Variants in REST observed in about 807,000 individuals in gnomAD.
The protein encoded by REST is RE1 silencing transcription factor.
Under a neutral mutation model 30.4 loss-of-function variants are expected in REST, and 1 was observed. The ratio of observed to expected loss-of-function variants is 0.03; its 90% CI spans 0.01 to 0.16. REST has a LOEUF of 0.16. Ranked by LOEUF, REST falls within the 10% of genes least tolerant of loss-of-function variation. The pLI, the probability that REST is intolerant of heterozygous loss-of-function variation, is 1.00. For synonymous variants in REST, 504 were observed against 451.1 expected (o/e 1.12, Z -1.49); for missense variants, 1,259 against 1,329.5 (o/e 0.95, Z 0.82).
At chr4:56,915,220 TTGTG>T (rs775223358) in intron 2 of REST, among the ~76,000 whole-genome samples, 2 of 109,092 alleles carry the variant, frequency 1.8e-5, no homozygotes, top group Admixed American at 1.2e-4. Flanking sequence ...CTGGCCAATT[TTGTG>T]TGTGTGTGTG....
At chr4:56,925,350 C>T (rs1720650058) in intron 3 of REST, among the ~76,000 whole-genome samples, 1 of 150,614 alleles carries the variant, frequency 6.6e-6, no homozygotes, top group Non-Finnish European at 1.5e-5. Context: ...GTAGGTGGCA[C>T]TGTAGGCTTG....
intron 3 of REST, among the ~76,000 whole-genome samples, chr4:56,924,850 C>T (rs532300448): frequency 8.6e-5 from 13 of 151,970 alleles, no homozygotes; most frequent in Non-Finnish European, 1.3e-4. Flanking sequence ...TATTGTATGC[C>T]GCCATTACTT....
chr4:56,914,885 C>G (rs1410452588), intron 2 of REST, among the ~76,000 whole-genome samples: 1 of 150,826 alleles, frequency 6.6e-6, no homozygotes, highest in African/African-American at 2.4e-5. Flanking sequence ...TTATTTTTCC[C>G]CAGTATTACC....
At position 56,935,039 on chromosome 4, in the gene REST, CTA is replaced by C. The variant is rs927083476; in HGVS notation, c.*2889_*2890del. ...TTTTTTTTTTTAATAAGGCTTATAA[CTA>C]TGGCTGGATCTTTTGCTCTAGTCTT... On this transcript the variant is annotated 3_prime_UTR_variant, in exon 4 of 4. Transcript: ENST00000309042. 12 of 143,036 alleles carry C rather than the reference CTA, an allele frequency of 8.4e-5. No homozygotes were observed. Among genetic ancestry groups the C allele is most frequent in the African/African-American group, 3.1e-4 (12 of 38,374 alleles). 8.9% of individuals were successfully genotyped at this position (143,036 alleles called of 1,614,324 possible). A position where few individuals can be genotyped will look rare whatever the true frequency, so the allele number is the denominator to read the frequency against.
At position 56,931,387 on chromosome 4, in the gene REST, G is replaced by T; in HGVS notation, c.2529G>T (p.Val843=). Residue 843 remains valine (V), a synonymous_variant, in exon 4 of 4, where the codon GTG becomes GTT. Transcript: ENST00000309042. ...KEQVLIEVGL[V]PVKDSWLLKE... ...AAGTCCTTATTGAAGTTGGCTTAGT[G>T]CCTGTTAAAGATAGCTGGCTTCTAA... The T allele has an allele frequency of 6.2e-7, 1 of 1,614,264 alleles. No homozygotes were observed. The highest frequency in any genetic ancestry group is 1.1e-5 in the South Asian group (1 of 91,092).
Position 56,910,784 on chromosome 4 carries a change from T to C in REST, c.146T>C (p.Leu49Pro). ...AELAAPQLIM[L>P]ANVALTGEVN... ...CTGGCCGCACCTCAGCTTATTATGC[T>C]GGCAAATGTGGCCTTAACTGGGGAA... Residue 49 changes from leucine (L) to proline (P), a missense_variant, in exon 2 of 4, where the codon CTG becomes CCG. Leu to Pro is a moderately conservative substitution (Grantham distance 98). This residue lies in a region of REST where 249 missense variants were observed against 251.5 expected (regional missense o/e 0.99). Coordinates refer to ENST00000309042, the MANE Select transcript of REST (RefSeq NM_005612.5). 1 of 1,614,232 alleles carries C rather than the reference T, an allele frequency of 6.2e-7. No homozygotes were observed. The highest frequency in any genetic ancestry group is 8.5e-7 in the Non-Finnish European group (1 of 1,180,040).
chr4:56,925,645 A>G (rs1190039633), intron 3 of REST, among the ~76,000 whole-genome samples: 3 of 152,226 alleles, frequency 2.0e-5, no homozygotes, highest in African/African-American at 7.2e-5. Context: ...AAAGAAGAGA[A>G]CCTGTTACTA....
intron 3 of REST, among the ~76,000 whole-genome samples, chr4:56,925,451 A>G (rs1009715619): frequency 2.0e-5 from 3 of 152,106 alleles, no homozygotes; most frequent in Non-Finnish European, 4.4e-5. Context: ...AGCTCAAGCA[A>G]TCTTCCTCAC....
rs779668836 is a variant in REST at position 56,910,995 on chromosome 4, A to G, written c.357A>G (p.Val119=). 5.6e-6 allele frequency: 9 copies of G among 1,614,238 alleles called. No individual in the cohort carries two copies. Among genetic ancestry groups the G allele is most frequent in the Non-Finnish European group, 7.6e-6 (9 of 1,180,044 alleles). ...TGAGAAGTTTGGAACTCAGCGTCGT[A>G]GAACCTCAGCCTGTATTTGAGGCAT... is the stretch of plus-strand genomic sequence containing the variant. ...MELRSLELSV[V]EPQPVFEASG... Residue 119 remains valine (V), a synonymous_variant, in exon 2 of 4, where the codon GTA becomes GTG. Coordinates refer to ENST00000309042, the MANE Select transcript of REST (RefSeq NM_005612.5).
At chr4:56,920,011 C>T (rs980110101) in intron 3 of REST, 141 bp downstream of exon 3, 11 of 418,954 alleles carry the variant, frequency 2.6e-5, no homozygotes, top group East Asian at 7.1e-5. Flanking sequence ...ATCAGTATTC[C>T]GTCAATCTGG....
rs267600197 is a variant in REST, at chr4:56,931,112, C to T, written c.2254C>T (p.Pro752Ser). ...KEPVQIELSP[P>S]MEVVQKEPVK... ...GCCTGTTCAGATAGAGCTGTCTCCTCCCATGGAGGTGGTCCAGAAGGAACC... is the reference window on the plus strand; with the variant it reads ...GCCTGTTCAGATAGAGCTGTCTCCTTCCATGGAGGTGGTCCAGAAGGAACC... The change falls in exon 4 of 4, where the codon CCC becomes TCC. Residue 752 changes from proline (P) to serine (S), a missense_variant. By Grantham distance (74) the Pro-to-Ser change is moderately conservative. This residue lies in a region of REST where 856 missense variants were observed against 772.8 expected (regional missense o/e 1.11). Transcript: ENST00000309042. The T allele has an allele frequency of 2.1e-5, 34 of 1,598,756 alleles. No individual in the cohort carries two copies. In the African/African-American group the frequency reaches 2.8e-4, roughly 13 times the overall value.
In REST at chr4:56,915,240, A is replaced by ATTTTT. The variant is rs1193678055; in HGVS notation, c.898+3723_898+3727dup. 7.0e-4 allele frequency among the ~76,000 whole-genome samples: 39 copies of ATTTTT among 55,514 alleles called. 1 individual carries two copies. Among genetic ancestry groups the ATTTTT allele is most frequent in the African/African-American group, 1.2e-3 (16 of 13,512 alleles). 36.4% of individuals were successfully genotyped at this position (55,514 alleles called of 152,430 possible). A position where few individuals can be genotyped will look rare whatever the true frequency, so the allele number is the denominator to read the frequency against. On this transcript the variant is annotated intron_variant, in intron 2 of 3. Coordinates refer to ENST00000309042, the MANE Select transcript of REST (RefSeq NM_005612.5). ...CAATTTTGTGTGTGTGTGTGTGTGT[A>ATTTTT]TTTTTTTTTTTTTTTTTTTTTTTGA...
At chr4:56,929,172 A>G (rs1720850549) in intron 3 of REST, among the ~76,000 whole-genome samples, 2 of 151,534 alleles carry the variant, frequency 1.3e-5, no homozygotes. Context: ...GGTTAAAGCA[A>G]TTCTCGTGTC....
chr4:56,908,624 C>T (rs1179355014), intron 1 of REST, among the ~76,000 whole-genome samples: 1 of 152,078 alleles, frequency 6.6e-6, no homozygotes, highest in East Asian at 1.9e-4. Flanking sequence ...CGCGCCGGCC[C>T]GCGGCCCTCC....
chr4:56,928,487 C>T (rs890768522), intron 3 of REST, among the ~76,000 whole-genome samples: 1 of 151,892 alleles, frequency 6.6e-6, no homozygotes, highest in Admixed American at 6.6e-5. Flanking sequence ...ACATTCACAA[C>T]TCCATGCTAC....
intron 2 of REST, among the ~76,000 whole-genome samples, chr4:56,914,051 A>C (rs1404796109): frequency 2.0e-5 from 3 of 151,810 alleles, no homozygotes; most frequent in Admixed American, 1.3e-4. Context: ...CTCTCGCCTC[A>C]GTCCCCCAGG....
At chr4:56,919,716 C>A in intron 2 of REST, 71 bp from the exon 3 acceptor site, 2 of 910,498 alleles carry the variant, frequency 2.2e-6, no homozygotes, top group Non-Finnish European at 3.5e-6. Flanking sequence ...AACATTGTTG[C>A]ATTGTTAGTG....
At position 56,934,201 on chromosome 4, in the gene REST, A is replaced by G. The variant is rs1205081738; in HGVS notation, c.*2049A>G. 6.6e-6 allele frequency: 1 copy of G among 152,246 alleles called. No individual in the cohort carries two copies. Among genetic ancestry groups the G allele is most frequent in the African/African-American group, 2.4e-5 (1 of 41,466 alleles). 9.4% of individuals were successfully genotyped at this position (152,246 alleles called of 1,614,324 possible). ...GTTTTAAAACTTAAATTATAAAGCT[A>G]GTTAAGTCTTTCTAATGACTAGTTT... is the stretch of plus-strand genomic sequence containing the variant. On this transcript the variant is annotated 3_prime_UTR_variant, in exon 4 of 4. Coordinates refer to ENST00000309042, the MANE Select transcript of REST (RefSeq NM_005612.5).
chr4:56,919,407 G>A (rs1720349310), intron 2 of REST, among the ~76,000 whole-genome samples: 1 of 151,906 alleles, frequency 6.6e-6, no homozygotes, highest in South Asian at 2.1e-4. Context: ...GGTGTTAATA[G>A]CATCAGACAG....
Sources: allele counts gnomAD v4.1 joint callset (sites outside exome capture counted in the v4.1 genomes callset), GRCh38; gene constraint gnomAD v4.1.1; regional missense constraint gnomAD v4.1.1; transcripts MANE v1.5; gene names NCBI Gene and HGNC (gene_info 2026-07-23, HGNC 2026-07-21).